TRABD2A: variants seen among roughly 807,000 people sequenced by gnomAD.
TRABD2A encodes TraB domain containing 2A, also known as metalloprotease TIKI1.
In TRABD2A, 43 loss-of-function variants were observed where a neutral mutation model predicts 45.6. The observed-to-expected ratio is 0.94, with a 90% CI of 0.74 to 1.22. The LOEUF is 1.22. TRABD2A is among the 50% of genes most tolerant of loss of function. TRABD2A has a pLI of 0.00. For synonymous variants in TRABD2A, 269 were observed against 265.0 expected (o/e 1.02, Z -0.15); for missense variants, 642 against 652.4 (o/e 0.98, Z 0.17).
At chr2:84,877,987 T>G (rs1246913500) in intron 1 of TRABD2A, among the ~76,000 whole-genome samples, 2 of 152,222 alleles carry the variant, frequency 1.3e-5, no homozygotes, top group Non-Finnish European at 2.9e-5. Flanking sequence ...CCTACCCTTA[T>G]GAAGATGACA....
intron 2 of TRABD2A, among the ~76,000 whole-genome samples, chr2:84,852,428 A>C (rs1682129837): frequency 1.3e-5 from 2 of 151,934 alleles, no homozygotes; most frequent in Non-Finnish European, 2.9e-5. Context: ...CAGCATGACC[A>C]TGGGATTGGG....
chr2:84,852,257 C>G (rs1031329458), intron 2 of TRABD2A, among the ~76,000 whole-genome samples: 4 of 152,230 alleles, frequency 2.6e-5, no homozygotes, highest in African/African-American at 9.6e-5. Flanking sequence ...GGCACTGCAG[C>G]AGGCTCTCTT....
intron 5 of TRABD2A, among the ~76,000 whole-genome samples, chr2:84,826,017 G>T (rs1644246673): frequency 6.6e-6 from 1 of 152,000 alleles, no homozygotes; most frequent in Non-Finnish European, 1.5e-5. Context: ...AAACGTTGAG[G>T]GCCACTGTCT....
intron 4 of TRABD2A, chr2:84,835,117 C>A (rs981816075): frequency 2.6e-5 from 4 of 152,116 alleles, no homozygotes; most frequent in African/African-American, 9.7e-5. Context: ...AGCACCACAA[C>A]AATAGGACTC....
intron 2 of TRABD2A, among the ~76,000 whole-genome samples, chr2:84,848,375 T>TAGATAGATAGATAGATAGATAGATAGAC: frequency 1.2e-5 from 1 of 80,560 alleles, no homozygotes; most frequent in Non-Finnish European, 2.5e-5. Context: ...GATAGATAGA[T>TAGATAGATAGATAGATAGATAGATAGAC]AGACAGACAG....
intron 5 of TRABD2A, among the ~76,000 whole-genome samples, chr2:84,824,895 G>C (rs1681107556): frequency 1.3e-5 from 2 of 152,124 alleles, no homozygotes; most frequent in African/African-American, 4.8e-5. Flanking sequence ...TTCCCAAAGA[G>C]AGATTTTCAC....
At chr2:84,869,559 A>G (rs1682800986) in intron 2 of TRABD2A, among the ~76,000 whole-genome samples, 1 of 152,230 alleles carries the variant, frequency 6.6e-6, no homozygotes, top group Non-Finnish European at 1.5e-5. Flanking sequence ...CTGTCTCCTA[A>G]AGTAGCAATG....
chr2:84,827,638 C>T (rs1481590802), intron 5 of TRABD2A, among the ~76,000 whole-genome samples: 3 of 152,180 alleles, frequency 2.0e-5, no homozygotes, highest in African/African-American at 7.2e-5. Flanking sequence ...AACACATTAC[C>T]TTACACGGTA....
chr2:84,875,894 G>C (rs572933449), intron 1 of TRABD2A, among the ~76,000 whole-genome samples: 2 of 152,116 alleles, frequency 1.3e-5, no homozygotes, highest in South Asian at 4.1e-4. Flanking sequence ...TTAGGAGGTT[G>C]AGGTAGGAAG....
At chr2:84,856,030 AG>A (rs1682291659) in intron 2 of TRABD2A, among the ~76,000 whole-genome samples, 1 of 152,120 alleles carries the variant, frequency 6.6e-6, no homozygotes, top group Admixed American at 6.5e-5. Context: ...ACTCAAACAA[AG>A]GGCCTCGCAT....
In TRABD2A at chr2:84,827,735, C is replaced by T. The variant is rs1054912214; in HGVS notation, c.1083-3531G>A. Among the ~76,000 whole-genome samples, 7 of 152,158 alleles carry T rather than the reference C, an allele frequency of 4.6e-5. No individual in the cohort carries two copies. The South Asian group carries it at 6.2e-4, about 14-fold the overall frequency. ...TCCAGGGGTGCCCAATCCAATCACA[C>T]GGGCCCTTAAAAGCAGAGAACCCGT... On this transcript the variant is annotated intron_variant, in intron 5 of 6. Transcript: ENST00000409520.
intron 2 of TRABD2A, among the ~76,000 whole-genome samples, chr2:84,855,676 C>A (rs1682273905): frequency 6.6e-6 from 1 of 152,098 alleles, no homozygotes; most frequent in South Asian, 2.1e-4. Context: ...TGCCTCCCCA[C>A]AGCCCTTCTT....
chr2:84,870,658 A>T lies in TRABD2A; in HGVS notation c.236T>A (p.Leu79Gln), dbSNP rs766012570. The T allele has an allele frequency of 6.2e-7, 1 of 1,611,196 alleles. No individual in the cohort carries two copies. The highest frequency in any genetic ancestry group is 8.5e-7 in the Non-Finnish European group (1 of 1,178,630). The stretch of plus-strand genomic sequence containing the variant: ...CTCAAAGTACACAATGCTGCTCTGC[A>T]GGAAAGCCTCCTTAGAGTTGTCGGG... ...FIPDNSKEAFLQSSIVYFELD... is the reference protein window; with the variant it reads ...FIPDNSKEAFQQSSIVYFELD... The change falls in exon 2 of 7, where the codon CTG (leucine) becomes CAG (glutamine). Residue 79 changes from leucine to glutamine, a missense_variant. Physicochemically the swap from Leu to Gln is moderately radical, Grantham distance 113 (BLOSUM62 -2). Transcript: ENST00000409520.
chr2:84,839,267 C>T lies in TRABD2A; in HGVS notation c.873G>A (p.Glu291=). Residue 291 remains glutamate, a synonymous_variant, in exon 4 of 7, where the codon GAG becomes GAA. Transcript: ENST00000409520. ...LPPQERITAQ[E]IDSYLRRELI... ...GCTCCCGGCGTAAGTAGCTGTCAATCTCCTGAGCAGTGATGCGCTCCTGAG... is the reference window on the plus strand; with the variant it reads ...GCTCCCGGCGTAAGTAGCTGTCAATTTCCTGAGCAGTGATGCGCTCCTGAG... The T allele has an allele frequency of 6.2e-7, 1 of 1,613,862 alleles. No individual in the cohort carries two copies. Among genetic ancestry groups the T allele is most frequent in the Non-Finnish European group, 8.5e-7 (1 of 1,179,870 alleles).
intron 4 of TRABD2A, among the ~76,000 whole-genome samples, chr2:84,835,740 A>G (rs1375489800): frequency 2.0e-5 from 3 of 152,100 alleles, no homozygotes; most frequent in South Asian, 2.1e-4. Flanking sequence ...CTGAGTCTTT[A>G]CATGGCAGGA....
chr2:84,878,854 G>A (rs986346164), intron 1 of TRABD2A, among the ~76,000 whole-genome samples: 10 of 152,204 alleles, frequency 6.6e-5, no homozygotes, highest in Non-Finnish European at 1.3e-4. Flanking sequence ...CATACAGCAT[G>A]TGTGCCGCTG....
At chr2:84,871,846 G>A (rs1463515039) in intron 1 of TRABD2A, among the ~76,000 whole-genome samples, 3 of 152,064 alleles carry the variant, frequency 2.0e-5, no homozygotes, top group Admixed American at 6.5e-5. Flanking sequence ...TTGAAACTAG[G>A]GTCCTAATGA....
intron 2 of TRABD2A, 122 bp from the exon 3 acceptor site, chr2:84,842,129 G>T: frequency 1.9e-6 from 2 of 1,067,854 alleles, no homozygotes; most frequent in Non-Finnish European, 2.5e-6. Context: ...CGTGGATAGT[G>T]CTACTTAAAA....
chr2:84,856,902 C>G (rs1489214232), intron 2 of TRABD2A, among the ~76,000 whole-genome samples: 1 of 152,156 alleles, frequency 6.6e-6, no homozygotes, highest in Non-Finnish European at 1.5e-5. Context: ...GAGAAAGGGC[C>G]TTTAAGAAGG....
Sources: gnomAD v4.1 joint callset for allele counts (sites outside exome capture counted in the v4.1 genomes callset) on GRCh38, gnomAD v4.1.1 for gene constraint, MANE v1.5 for transcripts, NCBI Gene and HGNC (gene_info 2026-07-23, HGNC 2026-07-21) for gene names.